The following MFSD2B variants were observed in gnomAD, a reference collection of about 807,000 sequenced individuals.
MFSD2B encodes sphingosine-1-phosphate transporter MFSD2B.
In MFSD2B, 56 loss-of-function variants were observed where a neutral mutation model predicts 58.4. The ratio of observed to expected loss-of-function variants is 0.96; its 90% confidence interval spans 0.77 to 1.20. MFSD2B has a LOEUF of 1.20. Ranked by LOEUF, MFSD2B falls within the 50% of genes most tolerant of loss-of-function variation. MFSD2B has a pLI of 0.00. For synonymous variants in MFSD2B, 287 were observed against 294.4 expected, an observed-to-expected ratio of 0.97 and a Z score of 0.26; for missense variants, 645 against 667.6, an observed-to-expected ratio of 0.97 and a Z score of 0.37.
intron 2 of MFSD2B, among the ~76,000 whole-genome samples, chr2:24,013,673 C>A (rs1489901539): frequency 6.6e-6 from 1 of 152,082 alleles, no homozygotes; most frequent in Non-Finnish European, 1.5e-5. Flanking sequence ...ACATAATAGA[C>A]CAAGCCTGTC....
chr2:24,021,904 C>T lies in MFSD2B; in HGVS notation c.828C>T (p.Leu276=), dbSNP rs1197094618. The change falls in exon 8 of 14, where the codon CTC becomes CTT. Residue 276 remains leucine (L), a synonymous_variant. Transcript: ENST00000338315. The surrounding 1 kb of genome is among the most constrained non-coding windows in gnomAD (Gnocchi z 5.7). ...PGLSFLAGLS[L]TTRHPPYLKL... is the part of the protein sequence containing the mutation. ...TGAGTTTCCTGGCTGGGCTGAGCCTCACTACCCGGCACCCACCCTACCTGA... is the reference window on the plus strand; with the variant it reads ...TGAGTTTCCTGGCTGGGCTGAGCCTTACTACCCGGCACCCACCCTACCTGA... The T allele has an allele frequency of 1.9e-6, 3 of 1,614,022 alleles. No homozygotes were observed. The highest frequency in any genetic ancestry group is 1.7e-5 in the Admixed American group (1 of 60,032).
At chr2:24,019,712 C>T (rs893972034) in intron 6 of MFSD2B, among the ~76,000 whole-genome samples, 3 of 152,096 alleles carry the variant, frequency 2.0e-5, no homozygotes, top group Non-Finnish European at 4.4e-5. Context: ...AATCACCTTG[C>T]CTATGTACTC....
intron 1 of MFSD2B, among the ~76,000 whole-genome samples, chr2:24,011,020 T>A (rs1573628340): frequency 6.6e-6 from 1 of 152,190 alleles, no homozygotes; most frequent in Non-Finnish European, 1.5e-5. Flanking sequence ...AACACTCGCA[T>A]TGCTGATGAA....
At chr2:24,013,626 T>C (rs56036119) in intron 2 of MFSD2B, among the ~76,000 whole-genome samples, 1 of 152,012 alleles carries the variant, frequency 6.6e-6, no homozygotes, top group African/African-American at 2.4e-5. Context: ...TCCCCGACAA[T>C]ATAGAAGCAG....
Position 24,016,260 on chromosome 2 carries a change from G to T in MFSD2B, c.327G>T (p.Gly109=), listed in dbSNP as rs758085134. The T allele has an allele frequency of 6.8e-6, 11 of 1,613,968 alleles. No individual in the cohort carries two copies. The highest frequency in any genetic ancestry group is 8.5e-7 in the Non-Finnish European group (1 of 1,179,870). The stretch of plus-strand genomic sequence containing the variant: ...TCATCAACAGGAGCCAGAGGACAGG[G>T]TCTGGACGGCTCATGCCTTGGTGAG... ...GFFINRSQRT[G]SGRLMPWVLG... The change falls in exon 3 of 14, where the codon GGG becomes GGT. Residue 109 remains glycine (G), a synonymous_variant. Transcript: ENST00000338315.
In MFSD2B at chr2:24,025,653, C is replaced by T. The variant is rs575427243; in HGVS notation, c.*197C>T. 25 of 598,290 alleles carry T rather than the reference C, an allele frequency of 4.2e-5. No homozygotes were observed. The highest frequency in any genetic ancestry group is 2.5e-4 in the East Asian group (9 of 35,978). 37.1% of individuals were successfully genotyped at this position (598,290 alleles called of 1,614,324 possible). On this transcript the variant is annotated 3_prime_UTR_variant, in exon 14 of 14. Transcript: ENST00000338315. ...CCACTTGGCATTTCTTGTCTGTTGC[C>T]TTCAGACTATCTCAGATAGGCCTGT...
At chr2:24,015,014 G>C (rs1162809819) in intron 2 of MFSD2B, among the ~76,000 whole-genome samples, 1 of 152,180 alleles carries the variant, frequency 6.6e-6, no homozygotes, top group East Asian at 1.9e-4. Flanking sequence ...AGCTACTCAG[G>C]AAGCTGAGGC....
At position 24,025,618 on chromosome 2, in the gene MFSD2B, C is replaced by A; in HGVS notation, c.*162C>A. ...CGTGTCCTGAAGGGACTGGCCCGCA[C>A]TCCAGGACCCCACTTGGCATTTCTT... is the stretch of plus-strand genomic sequence containing the variant. On this transcript the variant is annotated 3_prime_UTR_variant, in exon 14 of 14. Coordinates refer to ENST00000338315, the MANE Select transcript of MFSD2B (RefSeq NM_001346880.2). 1.6e-6 allele frequency: 1 copy of A among 642,972 alleles called. No homozygotes were observed. Among genetic ancestry groups the A allele is most frequent in the Non-Finnish European group, 2.7e-6 (1 of 364,336 alleles). 39.8% of individuals were successfully genotyped at this position (642,972 alleles called of 1,614,324 possible).
In MFSD2B at chr2:24,016,261, T is replaced by C; in HGVS notation, c.328T>C (p.Ser110Pro). The part of the protein sequence containing the change: ...FFINRSQRTG[S>P]GRLMPWVLGC... The stretch of plus-strand genomic sequence containing the variant: ...CATCAACAGGAGCCAGAGGACAGGG[T>C]CTGGACGGCTCATGCCTTGGTGAGC... Residue 110 changes from serine (S) to proline (P), a missense_variant, in exon 3 of 14, where the codon TCT becomes CCT. Coordinates refer to ENST00000338315, the MANE Select transcript of MFSD2B (RefSeq NM_001346880.2). 6.2e-7 allele frequency: 1 copy of C among 1,613,842 alleles called. No individual in the cohort carries two copies. The highest frequency in any genetic ancestry group is 1.1e-5 in the South Asian group (1 of 91,056).
rs1313697286 is a variant in MFSD2B, at chr2:24,026,125, A to G, written c.*669A>G. The G allele has an allele frequency of 6.6e-6, 1 of 152,540 alleles. No individual in the cohort carries two copies. The highest frequency in any genetic ancestry group is 1.5e-5 in the Non-Finnish European group (1 of 68,302). 9.4% of individuals were successfully genotyped at this position (152,540 alleles called of 1,614,324 possible). A position where few individuals can be genotyped will look rare whatever the true frequency, so the allele number is the denominator to read the frequency against. On this transcript the variant is annotated 3_prime_UTR_variant, in exon 14 of 14. Transcript: ENST00000338315. Reference sequence around the variant, plus strand: ...AGCTCTAGCATTTCTTAAGGACAAAATTGGTGTGTAAGTAACAGGAAATTC... The same window carrying G: ...AGCTCTAGCATTTCTTAAGGACAAAGTTGGTGTGTAAGTAACAGGAAATTC...
intron 6 of MFSD2B, among the ~76,000 whole-genome samples, chr2:24,019,419 C>A (rs997616395): frequency 6.6e-6 from 1 of 152,046 alleles, no homozygotes; most frequent in African/African-American, 2.4e-5. Context: ...TGTGGCCCAC[C>A]ACCCATTCAA....
chr2:24,020,036 A>G lies in MFSD2B; in HGVS notation c.682-1612A>G, dbSNP rs1415228492. On this transcript the variant is annotated intron_variant, in intron 6 of 13. Transcript: ENST00000338315. This position sits in a 1 kb window ranked among gnomAD's most constrained non-coding sequence, Gnocchi z 4.1. ...AGCTACCTGGCCCTGTTCTGTACACATGCCTCCCAGCTACACGACCACGTC... is the reference window on the plus strand; with the variant it reads ...AGCTACCTGGCCCTGTTCTGTACACGTGCCTCCCAGCTACACGACCACGTC... Among the ~76,000 whole-genome samples, 1 of 152,164 alleles carries G rather than the reference A, an allele frequency of 6.6e-6. No homozygotes were observed. Among genetic ancestry groups the G allele is most frequent in the Non-Finnish European group, 1.5e-5 (1 of 68,010 alleles).
Position 24,024,014 on chromosome 2 carries a change from T to G in MFSD2B, c.1314-81T>G, listed in dbSNP as rs1175079864. On this transcript the variant is annotated intron_variant, in intron 12 of 13. Coordinates refer to ENST00000338315, the MANE Select transcript of MFSD2B (RefSeq NM_001346880.2). The surrounding 1 kb of genome is among the most constrained non-coding windows in gnomAD (Gnocchi z 4.3). ...GTCCACGTTTCAGGAGGGGGTGGGG[T>G]GGGGTGAGGTGTCGAGTCCCTCCAC... is the stretch of plus-strand genomic sequence containing the variant. 1.4e-6 allele frequency: 2 copies of G among 1,384,756 alleles called. No homozygotes were observed. The highest frequency in any genetic ancestry group is 1.0e-6 in the Non-Finnish European group (1 of 996,426). 85.8% of individuals were successfully genotyped at this position (1,384,756 alleles called of 1,614,324 possible). A position where few individuals can be genotyped will look rare whatever the true frequency, so the allele number is the denominator to read the frequency against.
In MFSD2B at chr2:24,012,172, ACAC is replaced by A. The variant is rs747870021; in HGVS notation, c.97-1112_97-1110del. Among the ~76,000 whole-genome samples the A allele has an allele frequency of 0.19, 8,379 of 44,352 alleles. 302 individuals are homozygous for A. Among genetic ancestry groups the A allele is most frequent in the Non-Finnish European group, 0.26 (4,649 of 17,642 alleles). The allele number at this position is 44,352 out of a possible 152,430, so 29.1% of individuals were successfully genotyped here. A position where few individuals can be genotyped will look rare whatever the true frequency, so the allele number is the denominator to read the frequency against. On this transcript the variant is annotated intron_variant, in intron 1 of 13. Coordinates refer to ENST00000338315, the MANE Select transcript of MFSD2B (RefSeq NM_001346880.2). The surrounding 1 kb of genome is among the most constrained non-coding windows in gnomAD (Gnocchi z 4.5). The stretch of plus-strand genomic sequence containing the variant: ...ACAAAACACACACACACACACACAC[ACAC>A]ACACAAAAACAGACAAAAAAACCCT...
chr2:24,010,805 G>A (rs1252026633), intron 1 of MFSD2B, among the ~76,000 whole-genome samples: 1 of 152,166 alleles, frequency 6.6e-6, no homozygotes, highest in Non-Finnish European at 1.5e-5. Context: ...CTCACTGAAC[G>A]CGCCTGCTCC....
In MFSD2B at chr2:24,017,210, A is replaced by T; in HGVS notation, c.472-76A>T. 1 of 1,454,846 alleles carries T rather than the reference A, an allele frequency of 6.9e-7. No homozygotes were observed. Among genetic ancestry groups the T allele is most frequent in the Non-Finnish European group, 9.4e-7 (1 of 1,068,146 alleles). 90.1% of individuals were successfully genotyped at this position (1,454,846 alleles called of 1,614,324 possible). A position where few individuals can be genotyped will look rare whatever the true frequency, so the allele number is the denominator to read the frequency against. On this transcript the variant is annotated intron_variant, in intron 4 of 13. Coordinates refer to ENST00000338315, the MANE Select transcript of MFSD2B (RefSeq NM_001346880.2). This position sits in a 1 kb window ranked among gnomAD's most constrained non-coding sequence, Gnocchi z 4.8. ...GTTGGCCTGTGGGTGTCGGGATGTG[A>T]CACCCAGGATGGGGGAGGTCGCCCG...
rs1394507543 is a variant in MFSD2B, at chr2:24,017,947, GC to G, written c.681+362del. Among the ~76,000 whole-genome samples the G allele has an allele frequency of 1.3e-5, 2 of 152,084 alleles. No homozygotes were observed. On this transcript the variant is annotated intron_variant, in intron 6 of 13. Coordinates refer to ENST00000338315, the MANE Select transcript of MFSD2B (RefSeq NM_001346880.2). This position sits in a 1 kb window ranked among gnomAD's most constrained non-coding sequence, Gnocchi z 4.8. ...CTGTCCTCGCAGAGCCCTGGGTAAA[GC>G]CCTTCCTATGACCCATGCCCCCTCC... is the stretch of plus-strand genomic sequence containing the variant.
At position 24,023,636 on chromosome 2, in the gene MFSD2B, C is replaced by G; in HGVS notation, c.1223C>G (p.Pro408Arg). The G allele has an allele frequency of 1.2e-6, 2 of 1,613,966 alleles. No individual in the cohort carries two copies. The highest frequency in any genetic ancestry group is 1.7e-6 in the Non-Finnish European group (2 of 1,179,858). Residue 408 changes from proline (P) to arginine (R), a missense_variant, in exon 12 of 14, where the codon CCA (proline) becomes CGA (arginine). Coordinates refer to ENST00000338315, the MANE Select transcript of MFSD2B (RefSeq NM_001346880.2). The surrounding 1 kb of genome is among the most constrained non-coding windows in gnomAD (Gnocchi z 5.0). ...TTTCAGCTGCAGCACCGTCACGGGC[C>G]AGGCCTGGAGACCATCTTCTACTCC... ...DDFQLQHRHG[P>R]GLETIFYSSY...
chr2:24,016,858 ACCC>A lies in MFSD2B; in HGVS notation c.364_366del (p.Pro122del), dbSNP rs761651426. 31 of 1,613,188 alleles carry A rather than the reference ACCC, an allele frequency of 1.9e-5. No individual in the cohort carries two copies. The highest frequency in any genetic ancestry group is 2.2e-5 in the Non-Finnish European group (26 of 1,179,750). On this transcript the variant is annotated inframe_deletion, in exon 4 of 14. Transcript: ENST00000338315. The stretch of plus-strand genomic sequence containing the variant: ...GTGCTTCCGCAGGGTGCTGGGCTGC[ACCC>A]CCTTCATCGCCCTGGCCTACTTCTT...
Sources: allele counts gnomAD v4.1 joint callset (sites outside exome capture counted in the v4.1 genomes callset), GRCh38; gene constraint gnomAD v4.1.1; non-coding constraint Gnocchi (gnomAD v3.1); transcripts MANE v1.5; gene names NCBI Gene and HGNC (gene_info 2026-07-23, HGNC 2026-07-21).